Variants in PVT1 observed in about 807,000 individuals in gnomAD.
The protein encoded by PVT1 is Pvt1 oncogene.
intron 3 of PVT1, among the ~76,000 whole-genome samples, chr8:127,944,198 C>T (rs893205398): frequency 6.6e-6 from 1 of 152,176 alleles, no homozygotes; most frequent in African/African-American, 2.4e-5. Flanking sequence ...ATCGATCCTC[C>T]TGCTTCAACA....
chr8:127,812,181 A>T, intron 2 of PVT1, among the ~76,000 whole-genome samples: 1 of 77,104 alleles, frequency 1.3e-5, no homozygotes, highest in East Asian at 3.9e-4. Context: ...AGAGGGAGAG[A>T]GGGAGGGAGG....
At chr8:127,968,303 T>G (rs774731196) in intron 3 of PVT1, among the ~76,000 whole-genome samples, 4 of 148,326 alleles carry the variant, frequency 2.7e-5, no homozygotes, top group Non-Finnish European at 6.0e-5. Context: ...GTTGCAGGTC[T>G]GGGGATGTCT....
chr8:128,018,909 G>A (rs1563667132), intron 4 of PVT1, among the ~76,000 whole-genome samples: 1 of 152,286 alleles, frequency 6.6e-6, no homozygotes, highest in East Asian at 1.9e-4. Flanking sequence ...ATCCTAGTAT[G>A]ATTCATAATG....
At chr8:127,998,712 T>C (rs1817137438) in intron 4 of PVT1, among the ~76,000 whole-genome samples, 2 of 149,734 alleles carry the variant, frequency 1.3e-5, no homozygotes, top group East Asian at 2.0e-4. Flanking sequence ...TCTTTCTTTC[T>C]TTCCTTCCTT....
chr8:127,947,748 T>A, intron 3 of PVT1: 1 of 456,538 alleles, frequency 2.2e-6, no homozygotes, highest in Non-Finnish European at 4.4e-6. Flanking sequence ...GAAAAGGCGA[T>A]GATCACAGTC....
At chr8:127,906,697 T>C (rs570151193) in intron 3 of PVT1, among the ~76,000 whole-genome samples, 2 of 152,252 alleles carry the variant, frequency 1.3e-5, no homozygotes, top group Admixed American at 6.5e-5. Context: ...TTTCCATGCG[T>C]TCTGTCAGAT....
chr8:127,986,268 C>T (rs575512489), intron 3 of PVT1, among the ~76,000 whole-genome samples: 5 of 152,306 alleles, frequency 3.3e-5, no homozygotes, highest in Admixed American at 1.3e-4. Flanking sequence ...ACCTCTGCCC[C>T]GAACCTCCTG....
chr8:128,006,207 G>A (rs1817246260), intron 4 of PVT1, among the ~76,000 whole-genome samples: 1 of 151,338 alleles, frequency 6.6e-6, no homozygotes, highest in Non-Finnish European at 1.5e-5. Flanking sequence ...TGCACCCTTT[G>A]GCCCAGCAAT....
intron 2 of PVT1, among the ~76,000 whole-genome samples, chr8:127,857,358 G>T (rs1815173386): frequency 6.6e-6 from 1 of 151,862 alleles, no homozygotes; most frequent in Non-Finnish European, 1.5e-5. Context: ...AGGCAGCTCG[G>T]TTCCCCCAGG....
intron 4 of PVT1, among the ~76,000 whole-genome samples, chr8:128,012,642 C>A (rs1817326898): frequency 1.3e-5 from 2 of 152,126 alleles, no homozygotes; most frequent in African/African-American, 4.8e-5. Flanking sequence ...AATAATTAAT[C>A]TAGGGAAACA....
At chr8:127,865,666 T>G (rs1815279151) in intron 2 of PVT1, among the ~76,000 whole-genome samples, 1 of 152,216 alleles carries the variant, frequency 6.6e-6, no homozygotes, top group Non-Finnish European at 1.5e-5. Flanking sequence ...AACACAGTCC[T>G]GCTAACACTC....
intron 4 of PVT1, among the ~76,000 whole-genome samples, chr8:128,027,354 C>T (rs904547599): frequency 1.3e-5 from 2 of 152,204 alleles, no homozygotes; most frequent in Non-Finnish European, 2.9e-5. Context: ...ACCTCTCACC[C>T]ACAAGGTGGT....
chr8:127,907,968 A>T (rs537021044), intron 3 of PVT1, among the ~76,000 whole-genome samples: 1 of 152,224 alleles, frequency 6.6e-6, no homozygotes, highest in African/African-American at 2.4e-5. Flanking sequence ...AGGCTGATTC[A>T]AGTGGCTCAG....
chr8:127,943,763 C>G lies in PVT1; in HGVS notation n.783-45399C>G, dbSNP rs144685815. On this transcript the variant is annotated intron_variant and non_coding_transcript_variant, in intron 3 of 10. Transcript: ENST00000651587. ...ACCACCTAATTAGGGCTGACGTGGG[C>G]TCTTCCACAGAGCCTTCTCCTTAAA... is the stretch of plus-strand genomic sequence containing the variant. 3.8e-3 allele frequency among the ~76,000 whole-genome samples: 585 copies of G among 152,294 alleles called. 4 individuals are homozygous for G. Among genetic ancestry groups the G allele is most frequent in the African/African-American group, 0.014 (568 of 41,558 alleles).
intron 4 of PVT1, among the ~76,000 whole-genome samples, chr8:128,065,517 G>A (rs1480829034): frequency 6.6e-6 from 1 of 152,114 alleles, no homozygotes; most frequent in Non-Finnish European, 1.5e-5. Flanking sequence ...CTTTCACTCT[G>A]GCTGTTTTTT....
chr8:127,809,056 G>GAAAAAAAAAAAAAAAAAAA (rs1814561989), intron 2 of PVT1, among the ~76,000 whole-genome samples: 1 of 86,572 alleles, frequency 1.2e-5, no homozygotes, highest in Non-Finnish European at 2.4e-5. Context: ...AAAAAAAAAA[G>GAAAAAAAAAAAAAAAAAAA]AAAGAAAAAA....
chr8:127,940,813 G>T (rs1407609588), intron 3 of PVT1, among the ~76,000 whole-genome samples: 22 of 152,078 alleles, frequency 1.4e-4, no homozygotes, highest in Admixed American at 1.4e-3. Context: ...TCTTGCCCAG[G>T]CAGGCCTGGA....
At chr8:128,037,766 T>G (rs1462814594) in intron 4 of PVT1, among the ~76,000 whole-genome samples, 1 of 152,188 alleles carries the variant, frequency 6.6e-6, no homozygotes, top group Non-Finnish European at 1.5e-5. Context: ...CAAATGCTGC[T>G]CGCGTTGGTG....
At chr8:128,038,173 C>T (rs1532559) in intron 4 of PVT1, among the ~76,000 whole-genome samples, 38,395 of 151,968 alleles carry the variant, frequency 0.25, 6,015 homozygotes, top group Non-Finnish European at 0.34. Context: ...TGAGGACCCC[C>T]GTGGAGGAGT....
Sources: allele counts gnomAD v4.1 joint callset (sites outside exome capture counted in the v4.1 genomes callset), GRCh38; gene constraint gnomAD v4.1.1; transcripts MANE v1.5; gene names NCBI Gene and HGNC (gene_info 2026-07-23, HGNC 2026-07-21).